The following THSD7A variants were observed in gnomAD, a reference collection of about 807,000 sequenced individuals.
THSD7A encodes the protein thrombospondin type 1 domain containing 7A, also known as thrombospondin type-1 domain-containing protein 7A.
A neutral mutation model predicts 231.3 loss-of-function variants in THSD7A; 96 were observed. The ratio of observed to expected loss-of-function variants is 0.41; its 90% CI spans 0.35 to 0.49. THSD7A has a LOEUF of 0.49. Among genes scored for constraint, THSD7A ranks in the 20% least tolerant of loss-of-function variants. The pLI, the probability that THSD7A is intolerant of heterozygous loss-of-function variation, is 0.05. For missense variants in THSD7A, 2,290 were observed against 2,070.2 expected (o/e 1.11, Z -2.06); for synonymous variants, 940 against 743.3 (o/e 1.26, Z -4.30).
intron 25 of THSD7A, 66 bp downstream of exon 25, chr7:11,379,564 G>T: frequency 7.2e-7 from 1 of 1,383,138 alleles, no homozygotes; most frequent in Non-Finnish European, 1.0e-6. Context: ...AAGATAAACT[G>T]CATAAGAGAC....
At chr7:11,530,004 A>G (rs1043047403) in intron 6 of THSD7A, among the ~76,000 whole-genome samples, 6 of 152,156 alleles carry the variant, frequency 3.9e-5, no homozygotes, top group Non-Finnish European at 8.8e-5. Flanking sequence ...TTCACAGAAA[A>G]GGAAACGTAG....
At chr7:11,612,855 G>A (rs1268459246) in intron 2 of THSD7A, among the ~76,000 whole-genome samples, 5 of 152,136 alleles carry the variant, frequency 3.3e-5, no homozygotes, top group African/African-American at 1.2e-4. Flanking sequence ...TATTAGTGAG[G>A]ATGAATATCT....
chr7:11,699,271 G>A (rs1178623389), intron 1 of THSD7A, among the ~76,000 whole-genome samples: 4 of 151,190 alleles, frequency 2.6e-5, no homozygotes, highest in African/African-American at 7.3e-5. Context: ...AGAAAATGAA[G>A]TATATAAATG....
intron 4 of THSD7A, among the ~76,000 whole-genome samples, chr7:11,558,973 G>C (rs6957991): frequency 0.15 from 17,608 of 115,790 alleles, 2,063 homozygotes; most frequent in African/African-American, 0.36. Flanking sequence ...AGAAAGATGA[G>C]ATGGAAGAAA....
intron 1 of THSD7A, among the ~76,000 whole-genome samples, chr7:11,791,338 T>G (rs1004311989): frequency 6.6e-6 from 1 of 152,012 alleles, no homozygotes; most frequent in Non-Finnish European, 1.5e-5. Flanking sequence ...ATTATGGGTA[T>G]GGAAATTTTA....
intron 3 of THSD7A, 98 bp downstream of exon 3, chr7:11,593,156 T>G: frequency 6.9e-7 from 1 of 1,451,716 alleles, no homozygotes; most frequent in Non-Finnish European, 9.2e-7. Flanking sequence ...ATTTTTTATG[T>G]GTAAAAATTA....
chr7:11,573,744 TATCA>T (rs1790753447), intron 4 of THSD7A, among the ~76,000 whole-genome samples: 1 of 152,222 alleles, frequency 6.6e-6, no homozygotes, highest in African/African-American at 2.4e-5. Context: ...TCTCTCTGGC[TATCA>T]GAGAAAGGCA....
chr7:11,497,239 C>T (rs771761598), intron 6 of THSD7A, among the ~76,000 whole-genome samples: 3 of 152,110 alleles, frequency 2.0e-5, no homozygotes, highest in Non-Finnish European at 4.4e-5. Flanking sequence ...AAACTGCCCC[C>T]ATGATTCAAT....
intron 8 of THSD7A, among the ~76,000 whole-genome samples, chr7:11,471,046 C>T (rs1785917673): frequency 6.6e-6 from 1 of 151,916 alleles, no homozygotes; most frequent in Non-Finnish European, 1.5e-5. Context: ...TGCATTTTTA[C>T]AATCTGATGC....
At chr7:11,401,117 T>C (rs1272734317) in intron 23 of THSD7A, among the ~76,000 whole-genome samples, 1 of 152,170 alleles carries the variant, frequency 6.6e-6, no homozygotes, top group Non-Finnish European at 1.5e-5. Flanking sequence ...TGAAAAAATA[T>C]AGTAAAATCT....
chr7:11,752,733 T>C (rs1313929735), intron 1 of THSD7A, among the ~76,000 whole-genome samples: 3 of 151,970 alleles, frequency 2.0e-5, no homozygotes, highest in Non-Finnish European at 4.4e-5. Context: ...GTGGGCAATA[T>C]AATGATACAT....
intron 7 of THSD7A, among the ~76,000 whole-genome samples, chr7:11,478,733 T>A (rs958437916): frequency 6.6e-5 from 10 of 152,226 alleles, no homozygotes; most frequent in Admixed American, 3.3e-4. Flanking sequence ...TTTCACAATG[T>A]TAGGAGCCCT....
intron 1 of THSD7A, among the ~76,000 whole-genome samples, chr7:11,800,527 C>G (rs1299234734): frequency 1.3e-5 from 2 of 151,688 alleles, no homozygotes; most frequent in African/African-American, 4.8e-5. Flanking sequence ...CTAGCCTGGG[C>G]AACAAGAACG....
intron 1 of THSD7A, among the ~76,000 whole-genome samples, chr7:11,658,485 G>T (rs1782792241): frequency 2.0e-5 from 3 of 151,334 alleles, no homozygotes; most frequent in African/African-American, 7.3e-5. Context: ...TATTTCAATG[G>T]CATTTTCTTC....
chr7:11,378,150 T>A (rs1181571619), intron 26 of THSD7A: 4 of 152,216 alleles, frequency 2.6e-5, no homozygotes, highest in African/African-American at 9.6e-5. Context: ...ACTTAATGCA[T>A]AGAAATGGAG....
chr7:11,825,817 T>C (rs1001455370), intron 1 of THSD7A, among the ~76,000 whole-genome samples: 2 of 152,188 alleles, frequency 1.3e-5, no homozygotes, highest in African/African-American at 4.8e-5. Flanking sequence ...TCATGCTCTG[T>C]CTACCCTATT....
chr7:11,418,331 A>G, intron 16 of THSD7A, among the ~76,000 whole-genome samples: 1 of 152,290 alleles, frequency 6.6e-6, no homozygotes, highest in African/African-American at 2.4e-5. Context: ...TTCTCCTGTA[A>G]GCAGTCATGA....
At chr7:11,593,108 T>C in intron 3 of THSD7A, 146 bp downstream of exon 3, 3 of 1,109,974 alleles carry the variant, frequency 2.7e-6, no homozygotes, top group Non-Finnish European at 3.7e-6. Context: ...TTTTATTCTG[T>C]AAAAAAAGTT....
In THSD7A at chr7:11,379,048, A is replaced by G. The variant is rs747575193; in HGVS notation, c.4801+22T>C. On this transcript the variant is annotated intron_variant, in intron 26 of 27. Transcript: ENST00000423059. ...TAAAAGAACTAAAGGTTTCTCTTTC[A>G]ACACTAGTCTAGTCAGTTCACCTGG... 6 of 1,610,706 alleles carry G rather than the reference A, an allele frequency of 3.7e-6. No homozygotes were observed. In the African/African-American group the frequency reaches 8.0e-5, roughly 22 times the overall value.
Sources: allele counts gnomAD v4.1 joint callset (sites outside exome capture counted in the v4.1 genomes callset), GRCh38; gene constraint gnomAD v4.1.1; transcripts MANE v1.5; gene names NCBI Gene and HGNC (gene_info 2026-07-23, HGNC 2026-07-21).